Variants in PTPRM observed in about 807,000 individuals in gnomAD.
PTPRM encodes protein tyrosine phosphatase receptor type M.
Under a neutral mutation model 186.7 loss-of-function variants are expected in PTPRM, and 47 were observed. The observed-to-expected ratio is 0.25, with a 90% CI of 0.20 to 0.32. The LOEUF is 0.32. PTPRM is among the 10% of genes least tolerant of loss of function. PTPRM has a pLI of 1.00. For missense variants in PTPRM, 1,494 were observed against 1,865.0 expected (o/e 0.80, Z 3.66); for synonymous variants, 668 against 674.9 (o/e 0.99, Z 0.16).
rs1295317797 is a variant in PTPRM, at chr18:8,394,503, C to G, written c.4236C>G (p.Phe1412Leu). 6.2e-7 allele frequency: 1 copy of G among 1,613,262 alleles called. No homozygotes were observed. Among genetic ancestry groups the G allele is most frequent in the Admixed American group, 1.7e-5 (1 of 59,904 alleles). ...ACGGGGGAGGCCGCAGTGGGACGTT[C>G]TGCGCCATCAGCATCGTATGTGAGA... ...CLNGGGRSGT[F>L]CAISIVCEML... is the part of the protein sequence containing the mutation. Residue 1412 changes from phenylalanine (F) to leucine (L), a missense_variant, in exon 32 of 33, where the codon TTC becomes TTG. Coordinates refer to ENST00000580170, the MANE Select transcript of PTPRM (RefSeq NM_001105244.2).
At chr18:8,114,974 T>C (rs2091900164) in intron 13 of PTPRM, 147 bp downstream of exon 13, 3 of 611,224 alleles carry the variant, frequency 4.9e-6, no homozygotes, top group Non-Finnish European at 8.4e-6. Context: ...TGAATGCATG[T>C]ATGTATTAGG....
chr18:7,652,899 A>ATAC (rs201151653), intron 1 of PTPRM, among the ~76,000 whole-genome samples: 21 of 151,974 alleles, frequency 1.4e-4, no homozygotes, highest in Middle Eastern at 3.4e-3. Context: ...AACTTAAAGT[A>ATAC]TACTACTACT....
chr18:8,163,451 G>T (rs75564304), intron 14 of PTPRM, among the ~76,000 whole-genome samples: 27,321 of 152,076 alleles, frequency 0.18, 2,597 homozygotes, highest in Middle Eastern at 0.27. Flanking sequence ...TATAATTAGC[G>T]GGAAGTGTCC....
intron 3 of PTPRM, among the ~76,000 whole-genome samples, chr18:7,900,132 A>G (rs147908545): frequency 0.013 from 1,974 of 152,354 alleles, 20 homozygotes; most frequent in South Asian, 0.032. Flanking sequence ...ACAGGAGGCT[A>G]GATAGTAAAT....
intron 1 of PTPRM, among the ~76,000 whole-genome samples, chr18:7,692,372 C>T (rs2039751229): frequency 6.7e-6 from 1 of 148,822 alleles, no homozygotes; most frequent in African/African-American, 2.5e-5. Context: ...GGCTAGATCC[C>T]AGGAGGTTAA....
At chr18:8,316,714 A>G (rs764116107) in intron 21 of PTPRM, among the ~76,000 whole-genome samples, 22 of 152,312 alleles carry the variant, frequency 1.4e-4, no homozygotes, top group East Asian at 1.9e-4. Context: ...TGTATGGTCA[A>G]TTAGAAAGTT....
chr18:7,626,160 G>C (rs1213833950), intron 1 of PTPRM, among the ~76,000 whole-genome samples: 1 of 152,196 alleles, frequency 6.6e-6, no homozygotes, highest in African/African-American at 2.4e-5. Context: ...CCCGTCTTCA[G>C]AACTAAATTC....
intron 11 of PTPRM, among the ~76,000 whole-genome samples, chr18:8,094,702 C>T (rs2090926147): frequency 6.6e-6 from 1 of 152,038 alleles, no homozygotes; most frequent in African/African-American, 2.4e-5. Flanking sequence ...ACAACTATTG[C>T]CCCTAAGATA....
chr18:7,830,032 TCA>T (rs1368476864), intron 2 of PTPRM, among the ~76,000 whole-genome samples: 2 of 152,226 alleles, frequency 1.3e-5, no homozygotes, highest in African/African-American at 4.8e-5. Flanking sequence ...ACCTCCTTTC[TCA>T]CAACTCTTAT....
At chr18:8,303,858 C>T (rs553699473) in intron 20 of PTPRM, among the ~76,000 whole-genome samples, 5 of 152,282 alleles carry the variant, frequency 3.3e-5, no homozygotes, top group African/African-American at 4.8e-5. Flanking sequence ...CCGGGTAAGG[C>T]GCCAAGCACT....
chr18:7,937,009 G>A (rs942383066), intron 5 of PTPRM, among the ~76,000 whole-genome samples: 1 of 152,178 alleles, frequency 6.6e-6, no homozygotes, highest in African/African-American at 2.4e-5. Flanking sequence ...CACCCTCACT[G>A]TGGAGCAAAG....
At chr18:7,646,942 A>G (rs112547901) in intron 1 of PTPRM, among the ~76,000 whole-genome samples, 82 of 152,028 alleles carry the variant, frequency 5.4e-4, no homozygotes, top group African/African-American at 1.9e-3. Context: ...TGGAGGGGAG[A>G]ATGGCACGGA....
At chr18:8,147,119 C>G (rs1401115353) in intron 14 of PTPRM, among the ~76,000 whole-genome samples, 1 of 152,224 alleles carries the variant, frequency 6.6e-6, no homozygotes, top group East Asian at 1.9e-4. Flanking sequence ...CTTAGATTGT[C>G]TTGGCTATGT....
chr18:8,206,975 A>C (rs1219140961), intron 14 of PTPRM, among the ~76,000 whole-genome samples: 1 of 152,168 alleles, frequency 6.6e-6, no homozygotes, highest in African/African-American at 2.4e-5. Context: ...GGGCCACCAG[A>C]AGCTGAAAGA....
intron 22 of PTPRM, among the ~76,000 whole-genome samples, chr18:8,326,059 T>C (rs932499795): frequency 6.6e-6 from 1 of 152,238 alleles, no homozygotes; most frequent in African/African-American, 2.4e-5. Flanking sequence ...AAGTTCCTTA[T>C]AGACTCTGGA....
At chr18:8,176,002 C>G (rs1471754596) in intron 14 of PTPRM, among the ~76,000 whole-genome samples, 1 of 152,128 alleles carries the variant, frequency 6.6e-6, no homozygotes, top group East Asian at 1.9e-4. Context: ...GTTCAGAAAG[C>G]AGCATTTTAA....
intron 5 of PTPRM, among the ~76,000 whole-genome samples, chr18:7,938,740 C>T (rs1275458729): frequency 6.6e-6 from 1 of 152,126 alleles, no homozygotes. Context: ...TGAACTATGT[C>T]TAAATAGCAA....
intron 1 of PTPRM, among the ~76,000 whole-genome samples, chr18:7,766,579 G>A (rs556913052): frequency 6.6e-6 from 1 of 152,270 alleles, no homozygotes; most frequent in Admixed American, 6.5e-5. Flanking sequence ...TGTTCTGCTG[G>A]AGGCACTTGC....
intron 7 of PTPRM, among the ~76,000 whole-genome samples, chr18:8,028,926 T>C (rs2085754847): frequency 6.6e-6 from 1 of 152,230 alleles, no homozygotes; most frequent in Non-Finnish European, 1.5e-5. Context: ...TTTTAATTTA[T>C]ACTCTTTGGT....
Sources: allele counts gnomAD v4.1 joint callset (sites outside exome capture counted in the v4.1 genomes callset), GRCh38; gene constraint gnomAD v4.1.1; transcripts MANE v1.5; gene names NCBI Gene and HGNC (gene_info 2026-07-23, HGNC 2026-07-21).